The following UGT1A7 variants were observed in gnomAD, a reference collection of about 807,000 sequenced individuals.
The protein encoded by UGT1A7 is UDP-glucuronosyltransferase 1A7.
UGT1A7 carries 33 observed loss-of-function variants against 45.6 expected under a neutral mutation model. The ratio of observed to expected loss-of-function variants is 0.72; its 90% CI spans 0.55 to 0.97. The LOEUF (loss-of-function observed/expected upper bound fraction) is 0.97. Among genes scored for constraint, UGT1A7 ranks in the 50% least tolerant of loss-of-function variants. The probability of loss-of-function intolerance (pLI) is 0.00; values close to 1 mark genes in which losing one functional copy is unlikely to be tolerated. For synonymous variants in UGT1A7, 274 were observed against 250.6 expected (o/e 1.09, Z -0.88); for missense variants, 684 against 666.2 (o/e 1.03, Z -0.29).
At chr2:233,729,878 A>G in intron 1 of UGT1A7, 3 of 1,613,834 alleles carry the variant, frequency 1.9e-6, no homozygotes, top group Non-Finnish European at 1.7e-6. Context: ...ATTCTCAGTC[A>G]TGCATCTGTG....
intron 1 of UGT1A7, among the ~76,000 whole-genome samples, chr2:233,745,202 AGAT>A (rs1693037434): frequency 6.6e-6 from 1 of 151,858 alleles, no homozygotes; most frequent in Admixed American, 6.5e-5. Flanking sequence ...ACAACCAGGG[AGAT>A]CCTCTCAGAC....
intron 1 of UGT1A7, among the ~76,000 whole-genome samples, chr2:233,751,413 T>C (rs1057500388): frequency 6.6e-6 from 1 of 152,208 alleles, no homozygotes; most frequent in Non-Finnish European, 1.5e-5. Flanking sequence ...TATGGACTTT[T>C]GAGCTAGTGC....
chr2:233,738,152 A>C (rs1172003617), intron 1 of UGT1A7, among the ~76,000 whole-genome samples: 1 of 152,050 alleles, frequency 6.6e-6, no homozygotes, highest in Non-Finnish European at 1.5e-5. Flanking sequence ...CTTGCAAGCT[A>C]TTCCTCTTTC....
At chr2:233,760,948 T>G (rs746225571) in intron 1 of UGT1A7, 7 of 1,614,204 alleles carry the variant, frequency 4.3e-6, no homozygotes, top group Non-Finnish European at 5.9e-6. Flanking sequence ...TTCACAGAAC[T>G]TTCTGTGCGA....
intron 1 of UGT1A7, among the ~76,000 whole-genome samples, chr2:233,717,273 A>G (rs3806593): frequency 0.1 from 15,402 of 152,148 alleles, 886 homozygotes; most frequent in East Asian, 0.2. Context: ...ATAGTTGAGA[A>G]GCTGAGATGT....
chr2:233,738,615 C>T lies in UGT1A7; in HGVS notation c.856-28419C>T, dbSNP rs190192640. 3.7e-3 allele frequency among the ~76,000 whole-genome samples: 556 copies of T among 152,294 alleles called. 1 individual carries two copies. Among genetic ancestry groups the T allele is most frequent in the Admixed American group, 7.3e-3 (112 of 15,298 alleles). ...CTTGCTAAGCTTTAGCAAAGAAACT[C>T]GTGGCATTTTTGCCCCTGCCCTAGA... is the stretch of plus-strand genomic sequence containing the variant. On this transcript the variant is annotated intron_variant, in intron 1 of 4. Coordinates refer to ENST00000373426, the MANE Select transcript of UGT1A7 (RefSeq NM_019077.3).
At chr2:233,741,279 G>A (rs1389443810) in intron 1 of UGT1A7, among the ~76,000 whole-genome samples, 1 of 151,738 alleles carries the variant, frequency 6.6e-6, no homozygotes, top group Non-Finnish European at 1.5e-5. Flanking sequence ...TGAACAATGG[G>A]ATTTATGTAC....
chr2:233,709,781 G>T (rs2076092056), intron 1 of UGT1A7, among the ~76,000 whole-genome samples: 4 of 152,082 alleles, frequency 2.6e-5, no homozygotes, highest in Admixed American at 2.6e-4. Flanking sequence ...GCAATAAAGT[G>T]CACCGTTTTA....
chr2:233,749,121 A>T (rs1694116059), intron 1 of UGT1A7, among the ~76,000 whole-genome samples: 1 of 151,732 alleles, frequency 6.6e-6, no homozygotes, highest in Non-Finnish European at 1.5e-5. Context: ...TTTATGTCAT[A>T]TTCACTGAAT....
intron 4 of UGT1A7, chr2:233,770,393 C>G (rs1386962280): frequency 3.3e-5 from 5 of 152,162 alleles, no homozygotes; most frequent in Admixed American, 3.3e-4. Context: ...GTGGCTCATG[C>G]CTGTAGTCCC....
At chr2:233,736,291 G>A (rs1279591906) in intron 1 of UGT1A7, among the ~76,000 whole-genome samples, 1 of 151,976 alleles carries the variant, frequency 6.6e-6, no homozygotes, top group Admixed American at 6.6e-5. Flanking sequence ...CTTTCTTCCA[G>A]TTGCTCTAAT....
Position 233,747,571 on chromosome 2 carries a change from C to A in UGT1A7, c.856-19463C>A, listed in dbSNP as rs1265322590. The A allele has an allele frequency of 7.6e-6, 12 of 1,588,364 alleles. No individual in the cohort carries two copies. In the African/African-American group the frequency reaches 1.4e-4, roughly 18 times the overall value. ...AAAAGTATGGCAATTTTGAAAAATT[C>A]ATCTTTGGTCTTTCATAGGTCTTGT... On this transcript the variant is annotated intron_variant, in intron 1 of 4. Coordinates refer to ENST00000373426, the MANE Select transcript of UGT1A7 (RefSeq NM_019077.3).
At chr2:233,719,454 A>G in intron 1 of UGT1A7, 2 of 1,613,988 alleles carry the variant, frequency 1.2e-6, no homozygotes, top group Non-Finnish European at 1.7e-6. Context: ...GCAAAGGGTC[A>G]AGAACATGCT....
chr2:233,696,392 T>C (rs1379214927), intron 1 of UGT1A7, among the ~76,000 whole-genome samples: 1 of 152,222 alleles, frequency 6.6e-6, no homozygotes, highest in Admixed American at 6.5e-5. Flanking sequence ...TCTTTGTACG[T>C]TTTGTAAATG....
chr2:233,703,754 A>G (rs894644041), intron 1 of UGT1A7, among the ~76,000 whole-genome samples: 2 of 152,118 alleles, frequency 1.3e-5, no homozygotes, highest in Non-Finnish European at 2.9e-5. Context: ...TCTCAAATGT[A>G]TCTTCTGCAG....
At chr2:233,725,263 A>AGGC (rs1472327737) in intron 1 of UGT1A7, among the ~76,000 whole-genome samples, 4 of 34,258 alleles carry the variant, frequency 1.2e-4, no homozygotes, top group Non-Finnish European at 2.1e-4. Flanking sequence ...GCAGAGGCAG[A>AGGC]GGAGGCAGAG....
chr2:233,701,424 A>G (rs2075626860), intron 1 of UGT1A7, among the ~76,000 whole-genome samples: 1 of 152,170 alleles, frequency 6.6e-6, no homozygotes, highest in South Asian at 2.1e-4. Context: ...TGTCAACATT[A>G]GACAGATCAA....
At chr2:233,718,777 C>T (rs1347368179) in intron 1 of UGT1A7, 10 of 1,612,914 alleles carry the variant, frequency 6.2e-6, no homozygotes, top group Non-Finnish European at 8.5e-6. Context: ...ATGTAGCAGG[C>T]ACAGCGTGGG....
At chr2:233,695,250 T>C (rs1030410433) in intron 1 of UGT1A7, among the ~76,000 whole-genome samples, 1 of 151,642 alleles carries the variant, frequency 6.6e-6, no homozygotes, top group Admixed American at 6.6e-5. Flanking sequence ...CTCAGCCTCC[T>C]GAGTAGCTGG....
Sources: gnomAD v4.1 joint callset for allele counts (sites outside exome capture counted in the v4.1 genomes callset) on GRCh38, gnomAD v4.1.1 for gene constraint, MANE v1.5 for transcripts, NCBI Gene and HGNC (gene_info 2026-07-23, HGNC 2026-07-21) for gene names.